The following YPEL2 variants were observed in gnomAD, a reference collection of about 807,000 sequenced individuals.
The protein encoded by YPEL2 is protein yippee-like 2.
In YPEL2, 2 loss-of-function variants were observed where a neutral mutation model predicts 19.1. The observed-to-expected ratio is 0.10, with a 90% CI of 0.04 to 0.33. The LOEUF (loss-of-function observed/expected upper bound fraction) is 0.33. Among genes scored for constraint, YPEL2 ranks in the 10% least tolerant of loss-of-function variants. YPEL2 has a pLI of 1.00. For synonymous variants in YPEL2, 52 were observed against 50.0 expected (o/e 1.04, Z -0.17); for missense variants, 66 against 140.7 (o/e 0.47, Z 2.68).
intron 2 of YPEL2, among the ~76,000 whole-genome samples, chr17:59,358,737 G>A (rs545792843): frequency 6.6e-6 from 1 of 152,150 alleles, no homozygotes; most frequent in Admixed American, 6.5e-5. Context: ...AGCCTCCTGC[G>A]TAGCTGGGAT....
At chr17:59,339,401 TACA>T in intron 1 of YPEL2, among the ~76,000 whole-genome samples, 1 of 152,294 alleles carries the variant, frequency 6.6e-6, no homozygotes, top group East Asian at 1.9e-4. Context: ...AGCAGAGAGG[TACA>T]ACAAGAGCTG....
chr17:59,383,204 C>T (rs1046944996), intron 2 of YPEL2, among the ~76,000 whole-genome samples: 1 of 151,904 alleles, frequency 6.6e-6, no homozygotes. Flanking sequence ...TATTTACATA[C>T]AGTAAAATTC....
chr17:59,376,974 A>G (rs866957687), intron 2 of YPEL2, among the ~76,000 whole-genome samples: 133 of 140,428 alleles, frequency 9.5e-4, no homozygotes, highest in Non-Finnish European at 1.7e-3. Flanking sequence ...AAAAAAAAAA[A>G]ACAAAGAAAA....
At chr17:59,334,394 G>GT (rs2047688239) in intron 1 of YPEL2, among the ~76,000 whole-genome samples, 1 of 148,238 alleles carries the variant, frequency 6.7e-6, no homozygotes, top group African/African-American at 2.4e-5. Context: ...TTTATTTGGG[G>GT]GGGGGTGAGG....
chr17:59,344,130 A>G (rs2147936022), intron 1 of YPEL2, among the ~76,000 whole-genome samples: 1 of 152,246 alleles, frequency 6.6e-6, no homozygotes, highest in East Asian at 1.9e-4. Flanking sequence ...CTGGGCTCAA[A>G]TGATCCTTCC....
chr17:59,372,980 T>C (rs2047904015), intron 2 of YPEL2, among the ~76,000 whole-genome samples: 1 of 152,168 alleles, frequency 6.6e-6, no homozygotes. Context: ...CTCAAGTGAT[T>C]CTCCTGCCTC....
At position 59,389,419 on chromosome 17, in the gene YPEL2, TCGC is replaced by T; in HGVS notation, c.222_224del (p.Ala75del). The T allele has an allele frequency of 6.2e-7, 1 of 1,614,094 alleles. No individual in the cohort carries two copies. ...GTGTTGCTAACAGGACTGCATGCAG[TCGC>T]AGACATTTACTGTGAAAACTGCAAA... On this transcript the variant is annotated inframe_deletion, in exon 4 of 5. Transcript: ENST00000312655.
intron 2 of YPEL2, among the ~76,000 whole-genome samples, chr17:59,369,972 C>T (rs1371069397): frequency 6.6e-6 from 1 of 152,244 alleles, no homozygotes; most frequent in African/African-American, 2.4e-5. Flanking sequence ...CTACTGTTGT[C>T]TCCATTTTTA....
Position 59,398,339 on chromosome 17 carries a change from CTTG to C in YPEL2, c.*1152_*1154del, listed in dbSNP as rs2048051927. 2 of 152,140 alleles carry C rather than the reference CTTG, an allele frequency of 1.3e-5. No individual in the cohort carries two copies. Among genetic ancestry groups the C allele is most frequent in the African/African-American group, 4.8e-5 (2 of 41,432 alleles). The allele number at this position is 152,140 out of a possible 1,614,324, so 9.4% of individuals were successfully genotyped here. A position where few individuals can be genotyped will look rare whatever the true frequency, so the allele number is the denominator to read the frequency against. On this transcript the variant is annotated 3_prime_UTR_variant, in exon 5 of 5. Transcript: ENST00000312655. The stretch of plus-strand genomic sequence containing the variant: ...AGAGTTTCGGGTGTTTTTCTCCAGT[CTTG>C]TTACTGTAGACTGTAGAAAGCACGG...
intron 2 of YPEL2, among the ~76,000 whole-genome samples, chr17:59,374,894 T>A (rs1409595406): frequency 6.6e-6 from 1 of 152,186 alleles, no homozygotes; most frequent in Non-Finnish European, 1.5e-5. Flanking sequence ...TCTACCAAGC[T>A]ACTAAACTGG....
intron 2 of YPEL2, among the ~76,000 whole-genome samples, chr17:59,378,252 C>A (rs1358361437): frequency 6.6e-6 from 1 of 152,020 alleles, no homozygotes; most frequent in Non-Finnish European, 1.5e-5. Context: ...ACTGAGACTC[C>A]TAAAAGGACT....
At chr17:59,383,890 ATAC>A in intron 2 of YPEL2, among the ~76,000 whole-genome samples, 2 of 152,062 alleles carry the variant, frequency 1.3e-5, no homozygotes, top group Middle Eastern at 6.8e-3. Flanking sequence ...GTATATGGAT[ATAC>A]CAATCTATTT....
chr17:59,360,225 C>T (rs993507642), intron 2 of YPEL2, among the ~76,000 whole-genome samples: 4 of 152,214 alleles, frequency 2.6e-5, no homozygotes, highest in South Asian at 2.1e-4. Flanking sequence ...TACAGGCACC[C>T]GCCACCACGC....
rs1255197134 is a variant in YPEL2, at chr17:59,400,865, TTC to T, written c.*3677_*3678del. ...TTTTCTTCTCTTTCTCTCTGGTTGT[TTC>T]TGTTTCTGAGTGGACCAACAGCAGA... On this transcript the variant is annotated 3_prime_UTR_variant, in exon 5 of 5. Coordinates refer to ENST00000312655, the MANE Select transcript of YPEL2 (RefSeq NM_001005404.4). The T allele has an allele frequency of 6.6e-6, 1 of 152,652 alleles. No individual in the cohort carries two copies. The highest frequency in any genetic ancestry group is 2.4e-5 in the African/African-American group (1 of 41,452). 9.5% of individuals were successfully genotyped at this position (152,652 alleles called of 1,614,324 possible).
chr17:59,385,176 TTGA>T (rs2047973814), intron 2 of YPEL2, among the ~76,000 whole-genome samples: 1 of 152,222 alleles, frequency 6.6e-6, no homozygotes, highest in African/African-American at 2.4e-5. Flanking sequence ...GAATAAATTG[TTGA>T]TATGTTCAAC....
At chr17:59,346,868 A>T (rs890827014) in intron 1 of YPEL2, among the ~76,000 whole-genome samples, 10 of 152,170 alleles carry the variant, frequency 6.6e-5, no homozygotes, top group African/African-American at 2.4e-4. Context: ...TATCAGCCTG[A>T]AGGAATGGCA....
chr17:59,335,507 T>C (rs1479424422), intron 1 of YPEL2, among the ~76,000 whole-genome samples: 1 of 152,106 alleles, frequency 6.6e-6, no homozygotes, highest in East Asian at 1.9e-4. Context: ...AGGTTTGTCA[T>C]AGGGCTTTTC....
chr17:59,401,079 G>A lies in YPEL2; in HGVS notation c.*3889G>A, dbSNP rs540596469. On this transcript the variant is annotated 3_prime_UTR_variant, in exon 5 of 5. Transcript: ENST00000312655. The stretch of plus-strand genomic sequence containing the variant: ...GTATCGCAGGGCTCCAGCTGTTTTA[G>A]AAGCCACATCATGTTAAACATTAAC... 2.0e-5 allele frequency: 3 copies of A among 152,236 alleles called. No homozygotes were observed. Among genetic ancestry groups the A allele is most frequent in the African/African-American group, 7.2e-5 (3 of 41,386 alleles). 9.4% of individuals were successfully genotyped at this position (152,236 alleles called of 1,614,324 possible). A position where few individuals can be genotyped will look rare whatever the true frequency, so the allele number is the denominator to read the frequency against.
chr17:59,398,901 G>A lies in YPEL2; in HGVS notation c.*1711G>A, dbSNP rs1567767679. ...CAGAATAGCGTCTGCAGCAGAACCA[G>A]TTTCCATTCAGAGCGCGTCCTTGGT... On this transcript the variant is annotated 3_prime_UTR_variant, in exon 5 of 5. Coordinates refer to ENST00000312655, the MANE Select transcript of YPEL2 (RefSeq NM_001005404.4). 1 of 152,164 alleles carries A rather than the reference G, an allele frequency of 6.6e-6. No homozygotes were observed. 9.4% of individuals were successfully genotyped at this position (152,164 alleles called of 1,614,324 possible).
Sources: gnomAD v4.1 joint callset for allele counts (sites outside exome capture counted in the v4.1 genomes callset) on GRCh38, gnomAD v4.1.1 for gene constraint, MANE v1.5 for transcripts, NCBI Gene and HGNC (gene_info 2026-07-23, HGNC 2026-07-21) for gene names.